Variants in IGF2BP2 observed in about 807,000 individuals in gnomAD.
The protein encoded by IGF2BP2 is insulin like growth factor 2 mRNA binding protein 2.
In IGF2BP2, 17 loss-of-function variants were observed where a neutral mutation model predicts 75.8. The ratio of observed to expected loss-of-function variants is 0.22; its 90% CI spans 0.15 to 0.34. IGF2BP2 has a LOEUF of 0.34. Among genes scored for constraint, IGF2BP2 ranks in the 10% least tolerant of loss-of-function variants. The probability of loss-of-function intolerance (pLI) is 1.00; values close to 1 mark genes in which losing one functional copy is unlikely to be tolerated. For synonymous variants in IGF2BP2, 288 were observed against 295.6 expected, an observed-to-expected ratio of 0.97 and a Z score of 0.26; for missense variants, 516 against 772.4, an observed-to-expected ratio of 0.67 and a Z score of 3.93.
In IGF2BP2 at chr3:185,824,996, C is replaced by A; in HGVS notation, c.-36G>T. 2 of 1,443,710 alleles carry A rather than the reference C, an allele frequency of 1.4e-6. No individual in the cohort carries two copies. Among genetic ancestry groups the A allele is most frequent in the Non-Finnish European group, 1.9e-6 (2 of 1,079,616 alleles). The allele number at this position is 1,443,710 out of a possible 1,614,324, so 89.4% of individuals were successfully genotyped here. On this transcript the variant is annotated 5_prime_UTR_variant, in exon 1 of 16. Transcript: ENST00000382199. Reference sequence around the variant, plus strand: ...CCCGAGAGCCCGCGGCTCCCCCGGCCCGGTACCCGGCGCTCCTCGCCTCCT... The same window carrying A: ...CCCGAGAGCCCGCGGCTCCCCCGGCACGGTACCCGGCGCTCCTCGCCTCCT...
chr3:185,645,700 G>A lies in IGF2BP2; in HGVS notation c.1708-77C>T. 2 of 1,041,726 alleles carry A rather than the reference G, an allele frequency of 1.9e-6. No individual in the cohort carries two copies. Among genetic ancestry groups the A allele is most frequent in the Non-Finnish European group, 3.0e-6 (2 of 663,792 alleles). 64.5% of individuals were successfully genotyped at this position (1,041,726 alleles called of 1,614,324 possible). On this transcript the variant is annotated intron_variant, in intron 15 of 15. Coordinates refer to ENST00000382199, the MANE Select transcript of IGF2BP2 (RefSeq NM_006548.6). This position sits in a 1 kb window ranked among gnomAD's most constrained non-coding sequence, Gnocchi z 4.9. ...AGTTCTGAGGACAAACGGCAGGGGAGGCTCTGGGGCTTGGGGATGAAGGGT... is the reference window on the plus strand; with the variant it reads ...AGTTCTGAGGACAAACGGCAGGGGAAGCTCTGGGGCTTGGGGATGAAGGGT...
At chr3:185,756,619 T>C (rs1731654723) in intron 2 of IGF2BP2, among the ~76,000 whole-genome samples, 1 of 152,174 alleles carries the variant, frequency 6.6e-6, no homozygotes, top group South Asian at 2.1e-4. Context: ...TGGCCTCCCA[T>C]ACACATCAAT....
At chr3:185,667,423 C>T (rs1340468505) in intron 10 of IGF2BP2, among the ~76,000 whole-genome samples, 4 of 152,014 alleles carry the variant, frequency 2.6e-5, no homozygotes, top group African/African-American at 9.7e-5. Flanking sequence ...CTGTAGTGTG[C>T]TATAATTGTG....
intron 12 of IGF2BP2, among the ~76,000 whole-genome samples, chr3:185,654,454 A>G (rs1164794399): frequency 6.6e-6 from 1 of 152,192 alleles, no homozygotes; most frequent in Admixed American, 6.5e-5. Flanking sequence ...CACCACCCAA[A>G]CCGAGAAGGG....
intron 3 of IGF2BP2, among the ~76,000 whole-genome samples, chr3:185,697,419 T>G (rs1022583372): frequency 1.9e-4 from 28 of 150,816 alleles, no homozygotes; most frequent in African/African-American, 4.4e-4. Flanking sequence ...AATCGTGTGT[T>G]TTTTTTTTTT....
At chr3:185,808,688 T>C (rs1322991284) in intron 2 of IGF2BP2, among the ~76,000 whole-genome samples, 3 of 151,180 alleles carry the variant, frequency 2.0e-5, no homozygotes, top group Admixed American at 1.3e-4. Flanking sequence ...GCCTCCTAAG[T>C]AGCTGGGACC....
At chr3:185,774,490 G>A (rs973163467) in intron 2 of IGF2BP2, among the ~76,000 whole-genome samples, 1 of 151,912 alleles carries the variant, frequency 6.6e-6, no homozygotes. Context: ...AGCTACTCAG[G>A]AGGCTGAGGC....
chr3:185,791,567 C>T (rs1736645302), intron 2 of IGF2BP2, among the ~76,000 whole-genome samples: 1 of 152,208 alleles, frequency 6.6e-6, no homozygotes, highest in African/African-American at 2.4e-5. Flanking sequence ...CCTGCTGACA[C>T]CCAGATAAAG....
chr3:185,764,892 T>C (rs958867978), intron 2 of IGF2BP2, among the ~76,000 whole-genome samples: 2 of 152,128 alleles, frequency 1.3e-5, no homozygotes, highest in Non-Finnish European at 2.9e-5. Flanking sequence ...GGGCTCTGTG[T>C]AGGAGCAGAG....
At chr3:185,821,267 G>A (rs1741339847) in intron 2 of IGF2BP2, 1 of 694,040 alleles carries the variant, frequency 1.4e-6, no homozygotes, top group Non-Finnish European at 2.2e-6. Flanking sequence ...AACATTTTCA[G>A]TGTAGTGAAT....
rs1205756383 is a variant in IGF2BP2, at chr3:185,652,109, C to T, written c.1446G>A (p.Pro482=). The T allele has an allele frequency of 8.7e-6, 14 of 1,612,626 alleles. No individual in the cohort carries two copies. The highest frequency in any genetic ancestry group is 6.7e-5 in the East Asian group (3 of 44,862). Residue 482 remains proline, a synonymous_variant, in exon 13 of 16, where the codon CCG becomes CCA. Transcript: ENST00000382199. ...SERMVIITGP[P]EAQFKAQGRI... ...TGGCACTAACCTTGAACTGGGCTTCCGGTGGCCCGGTGATGATGACCATCC... is the reference window on the plus strand; with the variant it reads ...TGGCACTAACCTTGAACTGGGCTTCTGGTGGCCCGGTGATGATGACCATCC...
chr3:185,817,172 T>C (rs1225718829), intron 2 of IGF2BP2, among the ~76,000 whole-genome samples: 1 of 152,196 alleles, frequency 6.6e-6, no homozygotes, highest in Non-Finnish European at 1.5e-5. Context: ...ATCTGAATGT[T>C]CACATTTTAA....
chr3:185,660,891 G>A (rs1716327368), intron 10 of IGF2BP2, among the ~76,000 whole-genome samples: 1 of 152,182 alleles, frequency 6.6e-6, no homozygotes, highest in Non-Finnish European at 1.5e-5. Context: ...TAATTCCTTT[G>A]AACTATGATT....
chr3:185,730,137 CTT>C (rs1212145118), intron 2 of IGF2BP2, among the ~76,000 whole-genome samples: 1 of 152,268 alleles, frequency 6.6e-6, no homozygotes, highest in Admixed American at 6.5e-5. Context: ...ACCCTTTCCC[CTT>C]TGTGTTCCCA....
At chr3:185,722,394 C>T (rs1315124177) in intron 2 of IGF2BP2, 3 of 381,744 alleles carry the variant, frequency 7.9e-6, no homozygotes, top group South Asian at 1.9e-5. Flanking sequence ...AACTGAATCA[C>T]GCTTTACTAC....
chr3:185,680,953 T>C lies in IGF2BP2; in HGVS notation c.813-5040A>G, dbSNP rs1377853920. Among the ~76,000 whole-genome samples, 5 of 152,268 alleles carry C rather than the reference T, an allele frequency of 3.3e-5. No homozygotes were observed. In the East Asian group the frequency reaches 7.7e-4, roughly 24 times the overall value. ...AGGAAATTACTTCAACATAAGACCA[T>C]TTATGAAAAGCCCACAGCTAACATC... On this transcript the variant is annotated intron_variant, in intron 7 of 15. Transcript: ENST00000382199.
At chr3:185,765,764 A>G (rs1328188864) in intron 2 of IGF2BP2, among the ~76,000 whole-genome samples, 1 of 152,182 alleles carries the variant, frequency 6.6e-6, no homozygotes, top group Non-Finnish European at 1.5e-5. Flanking sequence ...TCATTGGCTG[A>G]AAGAAATTCT....
chr3:185,680,647 A>T (rs1030072770), intron 7 of IGF2BP2, among the ~76,000 whole-genome samples: 1 of 152,220 alleles, frequency 6.6e-6, no homozygotes, highest in Non-Finnish European at 1.5e-5. Flanking sequence ...TTTGTTCAGC[A>T]TACAATTAAT....
intron 2 of IGF2BP2, among the ~76,000 whole-genome samples, chr3:185,736,738 G>A (rs1578147024): frequency 2.0e-5 from 3 of 152,246 alleles, no homozygotes; most frequent in East Asian, 3.8e-4. Flanking sequence ...AGGGTTTCAA[G>A]TTAGGCTTCA....
Sources: allele counts gnomAD v4.1 joint callset (sites outside exome capture counted in the v4.1 genomes callset), GRCh38; gene constraint gnomAD v4.1.1; non-coding constraint Gnocchi (gnomAD v3.1); transcripts MANE v1.5; gene names NCBI Gene and HGNC (gene_info 2026-07-23, HGNC 2026-07-21).